Variants in SPOCK1 observed in about 807,000 individuals in gnomAD.
The protein encoded by SPOCK1 is SPARC (osteonectin), cwcv and kazal like domains proteoglycan 1.
A neutral mutation model predicts 55.3 loss-of-function variants in SPOCK1; 23 were observed. The ratio of observed to expected loss-of-function variants is 0.42; its 90% CI spans 0.30 to 0.59. The LOEUF is 0.59. Among genes scored for constraint, SPOCK1 ranks in the 20% least tolerant of loss-of-function variants. The pLI is 0.22. For synonymous variants in SPOCK1, 226 were observed against 221.0 expected, an observed-to-expected ratio of 1.02 and a Z score of -0.20; for missense variants, 499 against 552.5, an observed-to-expected ratio of 0.90 and a Z score of 0.97.
chr5:137,470,754 C>G (rs558671755), intron 2 of SPOCK1, among the ~76,000 whole-genome samples: 77 of 152,318 alleles, frequency 5.1e-4, no homozygotes, highest in African/African-American at 1.8e-3. Context: ...GTTCACCAAA[C>G]AGTAAACAGC....
At chr5:137,438,051 T>C (rs1752901728) in intron 2 of SPOCK1, among the ~76,000 whole-genome samples, 1 of 152,178 alleles carries the variant, frequency 6.6e-6, no homozygotes, top group East Asian at 1.9e-4. Context: ...CTTAGCATAA[T>C]GGCCCCAAGG....
Position 137,258,331 on chromosome 5 carries a change from T to C in SPOCK1, c.232+8679A>G, listed in dbSNP as rs188458096. On this transcript the variant is annotated intron_variant, in intron 3 of 10. Transcript: ENST00000394945. ...ATCAGGCATGGTTTCTGGGGCAGAA[T>C]GAACATTTAACAGGTTTCCAGCAGT... Among the ~76,000 whole-genome samples the C allele has an allele frequency of 3.3e-3, 500 of 152,294 alleles. 6 individuals carry two copies. The highest frequency in any genetic ancestry group is 0.011 in the African/African-American group (468 of 41,568).
intron 8 of SPOCK1, among the ~76,000 whole-genome samples, chr5:136,986,013 C>T (rs111233353): frequency 8.3e-4 from 126 of 152,268 alleles, no homozygotes; most frequent in African/African-American, 2.8e-3. Context: ...CTGCAGGCCC[C>T]ACACTTGCAT....
chr5:137,086,568 C>T (rs896222264), intron 5 of SPOCK1, among the ~76,000 whole-genome samples: 1 of 152,168 alleles, frequency 6.6e-6, no homozygotes, highest in Admixed American at 6.5e-5. Context: ...CGGGAGGTGG[C>T]TGGCTGGGGT....
chr5:137,439,467 G>A (rs1407958083), intron 2 of SPOCK1, among the ~76,000 whole-genome samples: 1 of 152,206 alleles, frequency 6.6e-6, no homozygotes, highest in Non-Finnish European at 1.5e-5. Context: ...TTCCTCCAGA[G>A]GTAGGGGGTG....
chr5:137,487,148 T>C (rs934407854), intron 2 of SPOCK1, among the ~76,000 whole-genome samples: 2 of 152,140 alleles, frequency 1.3e-5, no homozygotes, highest in African/African-American at 4.8e-5. Flanking sequence ...TTAGGTGCCA[T>C]GAATTTACCA....
intron 5 of SPOCK1, among the ~76,000 whole-genome samples, chr5:137,094,501 A>C (rs1233289720): frequency 6.6e-6 from 1 of 152,230 alleles, no homozygotes; most frequent in East Asian, 1.9e-4. Context: ...TTTATACTAT[A>C]GTATAGTCTA....
At chr5:137,265,121 C>T (rs1756824694) in intron 3 of SPOCK1, among the ~76,000 whole-genome samples, 3 of 152,156 alleles carry the variant, frequency 2.0e-5, no homozygotes, top group Non-Finnish European at 4.4e-5. Context: ...TTTACCTGCT[C>T]AGGTTTAAAG....
chr5:137,213,155 A>G (rs552926247), intron 3 of SPOCK1, among the ~76,000 whole-genome samples: 1 of 152,268 alleles, frequency 6.6e-6, no homozygotes, highest in South Asian at 2.1e-4. Context: ...TGGAGAAATC[A>G]AGTGAAATCA....
intron 2 of SPOCK1, among the ~76,000 whole-genome samples, chr5:137,366,168 T>C (rs1751057391): frequency 6.6e-6 from 1 of 152,150 alleles, no homozygotes; most frequent in South Asian, 2.1e-4. Flanking sequence ...CACTGAATCT[T>C]CTCCAAGAAT....
chr5:137,122,644 G>C (rs907774357), intron 4 of SPOCK1, among the ~76,000 whole-genome samples: 7 of 152,138 alleles, frequency 4.6e-5, no homozygotes, highest in African/African-American at 1.7e-4. Context: ...GCAAACCCAC[G>C]GCTGAGAACT....
intron 5 of SPOCK1, among the ~76,000 whole-genome samples, chr5:137,086,908 C>T (rs148264179): frequency 1.3e-5 from 2 of 152,212 alleles, no homozygotes; most frequent in Non-Finnish European, 2.9e-5. Flanking sequence ...AAGCCAGCTG[C>T]GTCTGATGGA....
intron 3 of SPOCK1, among the ~76,000 whole-genome samples, chr5:137,241,052 C>A (rs35362811): frequency 5.3e-5 from 8 of 152,014 alleles, no homozygotes; most frequent in African/African-American, 9.7e-5. Flanking sequence ...CATCACGTAC[C>A]AAAATAAATT....
chr5:137,453,936 G>C (rs2149835500), intron 2 of SPOCK1, among the ~76,000 whole-genome samples: 1 of 152,144 alleles, frequency 6.6e-6, no homozygotes, highest in South Asian at 2.1e-4. Context: ...ACTAAATTTA[G>C]CTGTTTGTGC....
chr5:137,332,221 C>G (rs1326432324), intron 2 of SPOCK1, among the ~76,000 whole-genome samples: 1 of 152,154 alleles, frequency 6.6e-6, no homozygotes, highest in African/African-American at 2.4e-5. Flanking sequence ...ACACTCCCCC[C>G]CAGCCCTCTT....
At chr5:137,131,204 C>T (rs1753869263) in intron 4 of SPOCK1, among the ~76,000 whole-genome samples, 1 of 152,120 alleles carries the variant, frequency 6.6e-6, no homozygotes, top group African/African-American at 2.4e-5. Flanking sequence ...TTTGGCAGAA[C>T]AGCAAGTAAG....
At chr5:137,092,949 G>A (rs1753077147) in intron 5 of SPOCK1, among the ~76,000 whole-genome samples, 1 of 152,182 alleles carries the variant, frequency 6.6e-6, no homozygotes, top group East Asian at 1.9e-4. Flanking sequence ...GCATGGCCAA[G>A]GGCCTGAGCA....
intron 6 of SPOCK1, among the ~76,000 whole-genome samples, chr5:137,006,988 G>T (rs1035206090): frequency 6.6e-6 from 1 of 152,110 alleles, no homozygotes; most frequent in Non-Finnish European, 1.5e-5. Context: ...TTATGTGATG[G>T]ATTATGTTTA....
chr5:137,097,040 T>C (rs1753162382), intron 5 of SPOCK1, among the ~76,000 whole-genome samples: 1 of 152,238 alleles, frequency 6.6e-6, no homozygotes, highest in Non-Finnish European at 1.5e-5. Flanking sequence ...ATGAGAATTA[T>C]GTAATGTCAT....
Sources: allele counts gnomAD v4.1 joint callset (sites outside exome capture counted in the v4.1 genomes callset), GRCh38; gene constraint gnomAD v4.1.1; transcripts MANE v1.5; gene names NCBI Gene and HGNC (gene_info 2026-07-23, HGNC 2026-07-21).